The following FRMD6 variants were observed in gnomAD, a reference collection of about 807,000 sequenced individuals.
FRMD6 encodes FERM domain containing 6.
A neutral mutation model predicts 73.2 loss-of-function variants in FRMD6; 37 were observed. The observed-to-expected ratio is 0.51, with a 90% CI of 0.39 to 0.66. The LOEUF (loss-of-function observed/expected upper bound fraction) is 0.66. Ranked by LOEUF, FRMD6 falls within the 30% of genes least tolerant of loss-of-function variation. FRMD6 has a pLI of 0.00. For synonymous variants in FRMD6, 273 were observed against 282.2 expected (o/e 0.97, Z 0.33); for missense variants, 714 against 780.5 (o/e 0.91, Z 1.02).
intron 1 of FRMD6, among the ~76,000 whole-genome samples, chr14:51,569,987 A>T (rs528160844): frequency 9.2e-5 from 14 of 151,388 alleles, no homozygotes; most frequent in East Asian, 1.9e-4. Flanking sequence ...GGCTAATTTT[A>T]TGTATTTTTA....
intron 1 of FRMD6, among the ~76,000 whole-genome samples, chr14:51,505,869 G>T (rs1210762747): frequency 1.3e-5 from 2 of 152,042 alleles, no homozygotes; most frequent in African/African-American, 4.8e-5. Flanking sequence ...TCTTCACACA[G>T]CCAATTGCAA....
At chr14:51,681,314 C>T (rs1476572121) in intron 1 of FRMD6, among the ~76,000 whole-genome samples, 1 of 152,188 alleles carries the variant, frequency 6.6e-6, no homozygotes, top group East Asian at 1.9e-4. Context: ...TAGATAGTGA[C>T]CACTACATGT....
intron 1 of FRMD6, among the ~76,000 whole-genome samples, chr14:51,659,806 G>A (rs1013592292): frequency 1.3e-5 from 2 of 152,160 alleles, no homozygotes; most frequent in Admixed American, 1.3e-4. Flanking sequence ...ATATAAAGCA[G>A]TTCTTTATTC....
Position 51,704,867 on chromosome 14 carries a change from C to T in FRMD6, c.490C>T (p.Leu164Phe). The change falls in exon 6 of 14, where the codon CTT (leucine) becomes TTT (phenylalanine). Residue 164 changes from leucine to phenylalanine, a missense_variant. By Grantham distance (22) the Leu-to-Phe change is conservative. Transcript: ENST00000344768. ...LLAAFALQAD[L>F]GNFKRNKHYG... ...GGCAGCCTTTGCCCTGCAGGCTGAT[C>T]TTGGGAACTTCAAAAGGAATAAGCA... 8 of 1,613,452 alleles carry T rather than the reference C, an allele frequency of 5.0e-6. No individual in the cohort carries two copies. The highest frequency in any genetic ancestry group is 6.8e-6 in the Non-Finnish European group (8 of 1,179,616).
chr14:51,427,537 C>T, the FRMD6 span, among the ~76,000 whole-genome samples: 1 of 152,242 alleles, frequency 6.6e-6, no homozygotes, highest in Non-Finnish European at 1.5e-5. Flanking sequence ...CTAGTATTGT[C>T]ATCCCCATTT....
chr14:51,425,838 C>A, the FRMD6 span, among the ~76,000 whole-genome samples: 6 of 152,184 alleles, frequency 3.9e-5, no homozygotes, highest in Non-Finnish European at 5.9e-5. Context: ...CTTTTCTTGT[C>A]TCTAGTCTGA....
rs17831259 is a variant in FRMD6, at chr14:51,699,701, C to G, written c.191-1355C>G. ...TTGAGAATTCTTAAGGTATAAAGCT[C>G]TGGTCAGATTGTAGGTGGCAGAGGT... On this transcript the variant is annotated intron_variant, in intron 3 of 13. Transcript: ENST00000344768. Among the ~76,000 whole-genome samples, 713 of 152,072 alleles carry G rather than the reference C, an allele frequency of 4.7e-3. 5 individuals carry two copies. Among genetic ancestry groups the G allele is most frequent in the South Asian group, 0.032 (155 of 4,826 alleles).
In FRMD6 at chr14:51,636,745, G is replaced by A. The variant is rs144213993; in HGVS notation, c.-146-52946G>A. Among the ~76,000 whole-genome samples, 377 of 152,216 alleles carry A rather than the reference G, an allele frequency of 2.5e-3. 3 individuals carry two copies. The highest frequency in any genetic ancestry group is 7.9e-3 in the African/African-American group (329 of 41,510). On this transcript the variant is annotated intron_variant, in intron 2 of 14. Transcript: ENST00000356218. ...TACAAGGTAAGGTGCTTGTTTCCCC[G>A]GGGCCACGGAGTTGTTGTTTATAGG... is the stretch of plus-strand genomic sequence containing the variant.
chr14:51,503,901 A>G (rs1398258684), intron 1 of FRMD6, among the ~76,000 whole-genome samples: 4 of 151,812 alleles, frequency 2.6e-5, no homozygotes, highest in Non-Finnish European at 1.5e-5. Context: ...TACTACCTCA[A>G]TTTCAGAAAT....
At chr14:51,475,103 C>G in the FRMD6 span, among the ~76,000 whole-genome samples, 1 of 152,158 alleles carries the variant, frequency 6.6e-6, no homozygotes. Context: ...TTAAGCTAGC[C>G]AAGACATGCT....
At chr14:51,467,824 G>A in the FRMD6 span, among the ~76,000 whole-genome samples, 1 of 152,054 alleles carries the variant, frequency 6.6e-6, no homozygotes, top group Admixed American at 6.5e-5. Context: ...GCCGGGCAGA[G>A]GGGCTCCTCA....
intron 2 of FRMD6, among the ~76,000 whole-genome samples, chr14:51,614,646 C>T (rs780585767): frequency 6.6e-6 from 1 of 152,118 alleles, no homozygotes; most frequent in Non-Finnish European, 1.5e-5. Flanking sequence ...CTTCAAACTC[C>T]CATGTATGGT....
chr14:51,436,628 A>G, the FRMD6 span: 1 of 546,782 alleles, frequency 1.8e-6, no homozygotes, highest in Non-Finnish European at 3.4e-6. Context: ...AGCATGCGGA[A>G]CTAGAGAGTT....
chr14:51,462,925 T>C, the FRMD6 span, among the ~76,000 whole-genome samples: 1 of 152,218 alleles, frequency 6.6e-6, no homozygotes, highest in Middle Eastern at 3.2e-3. Context: ...ATTAAGCAAG[T>C]AACTGAATCA....
intron 2 of FRMD6, among the ~76,000 whole-genome samples, chr14:51,592,393 G>C (rs923999647): frequency 2.0e-5 from 3 of 152,134 alleles, no homozygotes; most frequent in African/African-American, 7.2e-5. Context: ...CTCGTGTATA[G>C]AAACTATGTA....
intron 1 of FRMD6, among the ~76,000 whole-genome samples, chr14:51,506,128 T>C (rs185373046): frequency 3.2e-4 from 49 of 152,324 alleles, no homozygotes; most frequent in African/African-American, 9.9e-4. Context: ...TGACACTGCT[T>C]ATGCTCTTTC....
chr14:51,544,947 G>A (rs879772582), intron 1 of FRMD6, among the ~76,000 whole-genome samples: 13 of 151,918 alleles, frequency 8.6e-5, no homozygotes, highest in African/African-American at 3.1e-4. Context: ...TTTTCCATGG[G>A]CTCAAAACCC....
At chr14:51,548,806 T>C (rs1397055122) in intron 1 of FRMD6, among the ~76,000 whole-genome samples, 9 of 152,202 alleles carry the variant, frequency 5.9e-5, no homozygotes, top group Non-Finnish European at 1.2e-4. Context: ...ACTGATGTAC[T>C]GTAAAACCTT....
the FRMD6 span, among the ~76,000 whole-genome samples, chr14:51,450,585 T>A: frequency 1.3e-5 from 2 of 152,334 alleles, no homozygotes; most frequent in East Asian, 3.9e-4. Flanking sequence ...TGCTCTCTCA[T>A]GAGGTCAGCT....
Sources: gnomAD v4.1 joint callset for allele counts (sites outside exome capture counted in the v4.1 genomes callset) on GRCh38, gnomAD v4.1.1 for gene constraint, MANE v1.5 for transcripts, NCBI Gene and HGNC (gene_info 2026-07-23, HGNC 2026-07-21) for gene names.